The following LIFR variants were observed in gnomAD, a reference collection of about 807,000 sequenced individuals.
LIFR encodes LIF receptor subunit alpha, also known as leukemia inhibitory factor receptor.
A neutral mutation model predicts 122.2 loss-of-function variants in LIFR; 84 were observed. The observed-to-expected ratio is 0.69, with a 90% CI of 0.58 to 0.82. The LOEUF (loss-of-function observed/expected upper bound fraction) is 0.82. Among genes scored for constraint, LIFR ranks in the 40% least tolerant of loss-of-function variants. The probability of loss-of-function intolerance (pLI) is 0.00; values close to 1 mark genes in which losing one functional copy is unlikely to be tolerated. For synonymous variants in LIFR, 422 were observed against 434.7 expected (o/e 0.97, Z 0.36); for missense variants, 1,294 against 1,311.6 (o/e 0.99, Z 0.21).
At chr5:38,602,507 T>C (rs1750240363) in intron 2 of LIFR, among the ~76,000 whole-genome samples, 1 of 152,170 alleles carries the variant, frequency 6.6e-6, no homozygotes, top group South Asian at 2.1e-4. Flanking sequence ...TCTTTTTTTT[T>C]TCTCCATCTC....
intron 1 of LIFR, among the ~76,000 whole-genome samples, chr5:38,569,716 T>C (rs931187166): frequency 2.0e-5 from 3 of 152,180 alleles, no homozygotes; most frequent in Admixed American, 6.5e-5. Context: ...ACAAGCCTAA[T>C]TGGCACACCC....
At position 38,528,849 on chromosome 5, in the gene LIFR, GACACACACACACACAC is replaced by G. The variant is rs10637374; in HGVS notation, c.143-25_143-10del. 33 of 921,566 alleles carry G rather than the reference GACACACACACACACAC, an allele frequency of 3.6e-5. No individual in the cohort carries two copies. The highest frequency in any genetic ancestry group is 6.5e-5 in the Admixed American group (3 of 46,136). 57.1% of individuals were successfully genotyped at this position (921,566 alleles called of 1,614,324 possible). On this transcript the variant is annotated splice_polypyrimidine_tract_variant and intron_variant, in intron 2 of 19. Coordinates refer to ENST00000453190, the MANE Select transcript of LIFR (RefSeq NM_001127671.2). ...CAAATCATGAGGAGCCCCTGGAGGA[GACACACACACACACAC>G]ACACACACACACAGACACACATAAA...
upstream of LIFR, chr5:38,556,661 C>G (rs1292045783): frequency 3.4e-5 from 5 of 146,786 alleles, no homozygotes; most frequent in African/African-American, 1.2e-4. Context: ...CGCGCGGGGG[C>G]GGCGCCTGCA....
At chr5:38,602,809 T>C (rs917888118) in intron 2 of LIFR, among the ~76,000 whole-genome samples, 2 of 152,200 alleles carry the variant, frequency 1.3e-5, no homozygotes, top group African/African-American at 4.8e-5. Context: ...ATTATCACAC[T>C]GACTCTCTCA....
chr5:38,538,392 T>C (rs1225098407), intron 1 of LIFR, among the ~76,000 whole-genome samples: 2 of 152,228 alleles, frequency 1.3e-5, no homozygotes, highest in Admixed American at 6.5e-5. Context: ...CTAGACAATT[T>C]CTTGCTTACT....
intron 15 of LIFR, among the ~76,000 whole-genome samples, 182 bp from the exon 16 acceptor site, chr5:38,489,427 C>T (rs1296513469): frequency 6.6e-6 from 1 of 152,058 alleles, no homozygotes; most frequent in Admixed American, 6.5e-5. Flanking sequence ...ATACTAATAA[C>T]CATAGACAAA....
intron 11 of LIFR, 70 bp downstream of exon 11, chr5:38,502,567 C>T: frequency 7.3e-7 from 1 of 1,370,820 alleles, no homozygotes; most frequent in Non-Finnish European, 1.0e-6. Flanking sequence ...CCAACATCTT[C>T]TTTTTAAAGA....
chr5:38,593,375 C>A (rs527936301), intron 1 of LIFR, among the ~76,000 whole-genome samples: 11 of 152,270 alleles, frequency 7.2e-5, no homozygotes, highest in Admixed American at 7.2e-4. Context: ...TTGTTGCTTG[C>A]CACATGGAGT....
intron 1 of LIFR, among the ~76,000 whole-genome samples, chr5:38,543,669 A>G (rs1309319617): frequency 6.6e-6 from 1 of 152,248 alleles, no homozygotes; most frequent in Non-Finnish European, 1.5e-5. Flanking sequence ...AAATAACCTG[A>G]ATGTTCATCA....
At chr5:38,559,288 C>T (rs1350570204), upstream of LIFR, 1 of 152,204 alleles carries the variant, frequency 6.6e-6, no homozygotes, top group Non-Finnish European at 1.5e-5. Context: ...TGAGGAAAAA[C>T]GGAGTTTCTG....
chr5:38,536,355 A>T (rs1014236148), intron 1 of LIFR, among the ~76,000 whole-genome samples: 3 of 148,988 alleles, frequency 2.0e-5, no homozygotes, highest in African/African-American at 7.4e-5. Context: ...AAAAAACAGT[A>T]AAAAAAAAAG....
chr5:38,581,703 T>C (rs1749587740), intron 1 of LIFR, among the ~76,000 whole-genome samples: 2 of 152,214 alleles, frequency 1.3e-5, no homozygotes, highest in African/African-American at 4.8e-5. Flanking sequence ...AATGTCACGA[T>C]GAATTTTGCT....
intron 14 of LIFR, among the ~76,000 whole-genome samples, chr5:38,492,669 T>C (rs989281529): frequency 3.3e-5 from 5 of 152,116 alleles, no homozygotes; most frequent in Non-Finnish European, 7.4e-5. Context: ...ATGGGACCCA[T>C]CCTCATCATC....
chr5:38,542,080 A>C (rs556641835), intron 1 of LIFR, among the ~76,000 whole-genome samples: 1 of 152,364 alleles, frequency 6.6e-6, no homozygotes, highest in East Asian at 1.9e-4. Flanking sequence ...ATCTAATATC[A>C]AAGTATTAAC....
At chr5:38,541,192 G>A (rs766533456) in intron 1 of LIFR, among the ~76,000 whole-genome samples, 9 of 152,126 alleles carry the variant, frequency 5.9e-5, no homozygotes, top group Non-Finnish European at 1.2e-4. Flanking sequence ...ATGTAAGAGT[G>A]GAACAGCATA....
chr5:38,544,132 C>T (rs893325157), intron 1 of LIFR, among the ~76,000 whole-genome samples: 1 of 152,092 alleles, frequency 6.6e-6, no homozygotes, highest in Non-Finnish European at 1.5e-5. Context: ...ATTGCCACCC[C>T]CAAATTAAGC....
intron 18 of LIFR, among the ~76,000 whole-genome samples, chr5:38,483,150 A>G (rs975689408): frequency 6.6e-6 from 1 of 152,164 alleles, no homozygotes; most frequent in East Asian, 1.9e-4. Context: ...GGTGGTCATA[A>G]AAGTGATAGC....
At chr5:38,498,508 T>A (rs989993340) in intron 12 of LIFR, among the ~76,000 whole-genome samples, 2 of 152,114 alleles carry the variant, frequency 1.3e-5, no homozygotes, top group African/African-American at 4.8e-5. Context: ...ACTCATGATA[T>A]CCCAGTGGCA....
intron 9 of LIFR, among the ~76,000 whole-genome samples, chr5:38,504,666 A>G (rs1180930601): frequency 6.6e-6 from 1 of 152,200 alleles, no homozygotes; most frequent in Non-Finnish European, 1.5e-5. Context: ...ACTGCATATT[A>G]CACTGGTGAT....
Sources: allele counts gnomAD v4.1 joint callset (sites outside exome capture counted in the v4.1 genomes callset), GRCh38; gene constraint gnomAD v4.1.1; transcripts MANE v1.5; gene names NCBI Gene and HGNC (gene_info 2026-07-23, HGNC 2026-07-21).